Variants in ATP13A4 observed in about 807,000 individuals in gnomAD.
The protein encoded by ATP13A4 is probable cation-transporting ATPase 13A4.
Under a neutral mutation model 142.5 loss-of-function variants are expected in ATP13A4, and 114 were observed. The observed-to-expected ratio is 0.80, with a 90% CI of 0.69 to 0.93. ATP13A4 has a LOEUF of 0.93. ATP13A4 is among the 40% of genes least tolerant of loss of function. ATP13A4 has a pLI of 0.00. For synonymous variants in ATP13A4, 488 were observed against 514.8 expected (o/e 0.95, Z 0.70); for missense variants, 1,392 against 1,454.0 (o/e 0.96, Z 0.69).
chr3:193,548,020 T>C (rs956325133), intron 1 of ATP13A4, among the ~76,000 whole-genome samples: 1 of 152,188 alleles, frequency 6.6e-6, no homozygotes, highest in African/African-American at 2.4e-5. Context: ...GTTGGGTTTA[T>C]ACATGAATGG....
chr3:193,411,142 T>C lies in ATP13A4; in HGVS notation c.3209-72A>G. On this transcript the variant is annotated intron_variant, in intron 27 of 29. Transcript: ENST00000342695. ...AAAATGTCACATATATTGACGGATG[T>C]ATTCTAGATTAACACTGATTTAATT... is the stretch of plus-strand genomic sequence containing the variant. The C allele has an allele frequency of 5.1e-6, 5 of 976,604 alleles. No homozygotes were observed. In the South Asian group the frequency reaches 6.5e-5, roughly 13 times the overall value. 60.5% of individuals were successfully genotyped at this position (976,604 alleles called of 1,614,324 possible). A position where few individuals can be genotyped will look rare whatever the true frequency, so the allele number is the denominator to read the frequency against.
chr3:193,585,356 G>A (rs756479545), intron 1 of ATP13A4, among the ~76,000 whole-genome samples: 1 of 152,120 alleles, frequency 6.6e-6, no homozygotes, highest in Non-Finnish European at 1.5e-5. Flanking sequence ...GGGGGCAGAG[G>A]CTGCAGTGAG....
intron 25 of ATP13A4, among the ~76,000 whole-genome samples, chr3:193,428,063 G>A (rs78104649): frequency 6.6e-6 from 1 of 151,988 alleles, no homozygotes; most frequent in African/African-American, 2.4e-5. Context: ...CTAATATCCA[G>A]AATCTACAAA....
At chr3:193,502,336 C>G (rs559882610) in intron 3 of ATP13A4, among the ~76,000 whole-genome samples, 157 bp downstream of exon 3, 2 of 152,268 alleles carry the variant, frequency 1.3e-5, no homozygotes, top group Admixed American at 6.5e-5. Context: ...TTAGAAGGAG[C>G]AAGCTGAGAT....
chr3:193,504,850 G>A (rs980116657), intron 2 of ATP13A4, among the ~76,000 whole-genome samples: 21 of 152,042 alleles, frequency 1.4e-4, no homozygotes, highest in African/African-American at 5.1e-4. Flanking sequence ...ACTATTAATC[G>A]TCTCCAGTGA....
chr3:193,432,359 T>C (rs985164740), intron 25 of ATP13A4, among the ~76,000 whole-genome samples: 1 of 152,258 alleles, frequency 6.6e-6, no homozygotes, highest in Admixed American at 6.5e-5. Flanking sequence ...AGAGGTTTCT[T>C]ACAAAACAAA....
At chr3:193,590,580 C>A (rs564732733) in intron 1 of ATP13A4, among the ~76,000 whole-genome samples, 66 of 152,200 alleles carry the variant, frequency 4.3e-4, no homozygotes, top group African/African-American at 1.5e-3. Flanking sequence ...GTTTTTGGTT[C>A]CTGAGCAACG....
chr3:193,526,178 T>C (rs533345754), intron 1 of ATP13A4, among the ~76,000 whole-genome samples: 4 of 152,276 alleles, frequency 2.6e-5, no homozygotes, highest in Non-Finnish European at 4.4e-5. Flanking sequence ...ATATTTGCTA[T>C]TGTAAATAGT....
rs756178915 is a variant in ATP13A4, at chr3:193,407,306, C to G, written c.3378+7G>C. ...CAAGATCAGCAGCCCAAGATCAGCA[C>G]ACTTACCTCGGCCACAAGGGACACA... On this transcript the variant is annotated splice_region_variant and intron_variant, in intron 29 of 29. Transcript: ENST00000342695. 6.2e-7 allele frequency: 1 copy of G among 1,607,350 alleles called. No individual in the cohort carries two copies. Among genetic ancestry groups the G allele is most frequent in the Non-Finnish European group, 8.5e-7 (1 of 1,174,344 alleles).
intron 1 of ATP13A4, 83 bp downstream of exon 1, chr3:193,554,657 T>C (rs62287169): frequency 0.013 from 52 of 3,942 alleles, no homozygotes; most frequent in Middle Eastern, 0.083. Context: ...TGCGTGCGTG[T>C]GTGTGTGTGT....
At chr3:193,450,117 A>G (rs1015620804) in intron 17 of ATP13A4, among the ~76,000 whole-genome samples, 2 of 151,638 alleles carry the variant, frequency 1.3e-5, no homozygotes, top group African/African-American at 4.8e-5. Context: ...GTCTCACAAA[A>G]AAAAAAAAAA....
At chr3:193,592,408 C>G (rs558401877) in intron 1 of ATP13A4, among the ~76,000 whole-genome samples, 4 of 152,212 alleles carry the variant, frequency 2.6e-5, no homozygotes, top group Non-Finnish European at 1.5e-5. Flanking sequence ...TCAAAGAAGC[C>G]TGGGAGCAGC....
chr3:193,548,141 A>T (rs897282760), intron 1 of ATP13A4, among the ~76,000 whole-genome samples: 1 of 152,186 alleles, frequency 6.6e-6, no homozygotes. Context: ...TAAAATCCTG[A>T]GACTATTGAC....
In ATP13A4 at chr3:193,441,017, C is replaced by CTCTA. The variant is rs377572816; in HGVS notation, c.2440-381_2440-380insTAGA. On this transcript the variant is annotated intron_variant, in intron 20 of 29. Coordinates refer to ENST00000342695, the MANE Select transcript of ATP13A4 (RefSeq NM_032279.4). ...TATCGATCTATCTCTCTCTCTCTCT[C>CTCTA]TATATATATATATCTAAAACTTACC... 1.1e-4 allele frequency among the ~76,000 whole-genome samples: 17 copies of CTCTA among 150,322 alleles called. No individual in the cohort carries two copies. The South Asian group carries it at 1.5e-3, about 13-fold the overall frequency.
chr3:193,556,946 A>G (rs1723911553), upstream of ATP13A4, among the ~76,000 whole-genome samples: 1 of 152,186 alleles, frequency 6.6e-6, no homozygotes, highest in Non-Finnish European at 1.5e-5. Flanking sequence ...GTGAAACTAT[A>G]TCAGTGCTCC....
chr3:193,531,403 A>AAAGGAAGG (rs1026727475), intron 1 of ATP13A4, among the ~76,000 whole-genome samples: 1 of 141,760 alleles, frequency 7.1e-6, no homozygotes, highest in Non-Finnish European at 1.5e-5. Context: ...GAGGGAAGGG[A>AAAGGAAGG]AAGGAAGGAA....
At chr3:193,490,309 C>T (rs185074380) in intron 6 of ATP13A4, among the ~76,000 whole-genome samples, 142 of 152,332 alleles carry the variant, frequency 9.3e-4, no homozygotes, top group Non-Finnish European at 1.6e-3. Context: ...GATGTTGTCA[C>T]CTCCTGTCTA....
At chr3:193,519,469 A>C (rs989166903) in intron 1 of ATP13A4, among the ~76,000 whole-genome samples, 1 of 151,934 alleles carries the variant, frequency 6.6e-6, no homozygotes, top group South Asian at 2.1e-4. Flanking sequence ...TTCCTGCCTC[A>C]TGGTCTTCCC....
Position 193,459,079 on chromosome 3 carries a change from AC to A in ATP13A4, c.1674+1del. 1 of 1,614,238 alleles carries A rather than the reference AC, an allele frequency of 6.2e-7. No individual in the cohort carries two copies. Among genetic ancestry groups the A allele is most frequent in the Non-Finnish European group, 8.5e-7 (1 of 1,180,034 alleles). On this transcript the variant is annotated splice_donor_variant, in intron 14 of 29. Coordinates refer to ENST00000342695, the MANE Select transcript of ATP13A4 (RefSeq NM_032279.4). LOFTEE classifies it high-confidence loss of function. ...CAGATTCTCTGAAGAGCAGAGGCTTACCCAGGTGGTGGCTTCAAACATTTTG... is the reference window on the plus strand; with the variant it reads ...CAGATTCTCTGAAGAGCAGAGGCTTACCAGGTGGTGGCTTCAAACATTTTG...
Sources: allele counts gnomAD v4.1 joint callset (sites outside exome capture counted in the v4.1 genomes callset), GRCh38; gene constraint gnomAD v4.1.1; transcripts MANE v1.5; gene names NCBI Gene and HGNC (gene_info 2026-07-23, HGNC 2026-07-21).